Variants in MAP2K6 observed in about 807,000 individuals in gnomAD.
MAP2K6 encodes the protein mitogen-activated protein kinase kinase 6.
In MAP2K6, 16 loss-of-function variants were observed where a neutral mutation model predicts 53.7. The observed-to-expected ratio is 0.30, with a 90% CI of 0.20 to 0.45. The LOEUF (loss-of-function observed/expected upper bound fraction) is 0.45. Among genes scored for constraint, MAP2K6 ranks in the 20% least tolerant of loss-of-function variants. MAP2K6 has a pLI of 1.00. For synonymous variants in MAP2K6, 132 were observed against 143.1 expected, an observed-to-expected ratio of 0.92 and a Z score of 0.55; for missense variants, 204 against 411.9, an observed-to-expected ratio of 0.50 and a Z score of 4.37.
intron 1 of MAP2K6, among the ~76,000 whole-genome samples, chr17:69,464,428 C>T (rs1405211700): frequency 6.6e-6 from 1 of 152,134 alleles, no homozygotes; most frequent in Non-Finnish European, 1.5e-5. Flanking sequence ...CGAGTCCAGG[C>T]TGGAGTGCAG....
chr17:69,463,020 G>C (rs1296356322), intron 1 of MAP2K6, among the ~76,000 whole-genome samples: 3 of 146,028 alleles, frequency 2.1e-5, no homozygotes, highest in African/African-American at 5.1e-5. Flanking sequence ...AAATCCATAC[G>C]GTCAGGATTG....
chr17:69,526,499 A>G, intron 9 of MAP2K6, 71 bp from the exon 10 acceptor site: 1 of 1,544,404 alleles, frequency 6.5e-7, no homozygotes, highest in Non-Finnish European at 8.8e-7. Context: ...TCTATCCACA[A>G]ATGAAACGTG....
intron 11 of MAP2K6, among the ~76,000 whole-genome samples, chr17:69,538,089 C>G (rs1019911300): frequency 6.6e-6 from 1 of 151,970 alleles, no homozygotes; most frequent in Non-Finnish European, 1.5e-5. Context: ...AGGCTGGTCT[C>G]GAAGTCGTGG....
rs1448418705 is a variant in MAP2K6 at position 69,552,711 on chromosome 17, C to T, written c.*10958C>T. 6.6e-6 allele frequency: 1 copy of T among 152,168 alleles called. No individual in the cohort carries two copies. The highest frequency in any genetic ancestry group is 1.5e-5 in the Non-Finnish European group (1 of 68,028). The allele number at this position is 152,168 out of a possible 1,614,324, so 9.4% of individuals were successfully genotyped here. ...GAAATATATGAGCATCAAGTGATAA[C>T]TTCAATAAGGCCTCAGGATTGTATT... On this transcript the variant is annotated 3_prime_UTR_variant, in exon 12 of 12. Coordinates refer to ENST00000590474, the MANE Select transcript of MAP2K6 (RefSeq NM_002758.4).
intron 1 of MAP2K6, among the ~76,000 whole-genome samples, chr17:69,416,948 G>C (rs1164913425): frequency 6.6e-6 from 1 of 152,156 alleles, no homozygotes; most frequent in African/African-American, 2.4e-5. Context: ...TTTTTGAGTT[G>C]AGAAGCCAAA....
chr17:69,450,623 G>C (rs1907188192), intron 1 of MAP2K6, among the ~76,000 whole-genome samples: 1 of 152,082 alleles, frequency 6.6e-6, no homozygotes, highest in Non-Finnish European at 1.5e-5. Flanking sequence ...TTCACATTTG[G>C]GGCAACGGAA....
At position 69,502,066 on chromosome 17, in the gene MAP2K6, T is replaced by C. The variant is rs953720375; in HGVS notation, c.17-3714T>C. 8.3e-5 allele frequency: 53 copies of C among 640,462 alleles called. No homozygotes were observed. In the African/African-American group the frequency reaches 1.1e-3, roughly 13 times the overall value. 39.7% of individuals were successfully genotyped at this position (640,462 alleles called of 1,614,324 possible). ...TTTTAAGAAATCAAAGAGGCATTTATAGAAAAGCTGCAGAACATGGTACTG... is the reference window on the plus strand; with the variant it reads ...TTTTAAGAAATCAAAGAGGCATTTACAGAAAAGCTGCAGAACATGGTACTG... On this transcript the variant is annotated intron_variant, in intron 1 of 11. Transcript: ENST00000590474.
At chr17:69,432,703 G>C (rs911076733) in intron 1 of MAP2K6, among the ~76,000 whole-genome samples, 4 of 152,012 alleles carry the variant, frequency 2.6e-5, no homozygotes, top group African/African-American at 9.7e-5. Context: ...TGCATGTGGG[G>C]CTTAATACCT....
intron 1 of MAP2K6, among the ~76,000 whole-genome samples, chr17:69,480,300 C>T (rs191896445): frequency 5.7e-4 from 87 of 152,264 alleles, no homozygotes; most frequent in East Asian, 1.9e-4. Context: ...GCTACTTCTA[C>T]GTCCCTCCTT....
chr17:69,511,913 A>G (rs1248415392), intron 2 of MAP2K6, among the ~76,000 whole-genome samples: 3 of 152,204 alleles, frequency 2.0e-5, no homozygotes, highest in Non-Finnish European at 4.4e-5. Flanking sequence ...CAGGAGGGAG[A>G]GGTTGCAATG....
intron 2 of MAP2K6, among the ~76,000 whole-genome samples, chr17:69,507,948 C>T (rs1161014409): frequency 6.6e-6 from 1 of 150,996 alleles, no homozygotes. Flanking sequence ...GCAATAATGT[C>T]CGAATAATCT....
At chr17:69,533,137 C>T (rs895074716) in intron 10 of MAP2K6, among the ~76,000 whole-genome samples, 4 of 152,042 alleles carry the variant, frequency 2.6e-5, no homozygotes, top group African/African-American at 9.7e-5. Flanking sequence ...CCGTATTGGC[C>T]AGGCTGGTCT....
chr17:69,445,028 C>T (rs1013982267), intron 1 of MAP2K6, among the ~76,000 whole-genome samples: 1 of 152,206 alleles, frequency 6.6e-6, no homozygotes, highest in Non-Finnish European at 1.5e-5. Flanking sequence ...TCAAGAGATT[C>T]TCCTGCCTCA....
At position 69,449,905 on chromosome 17, in the gene MAP2K6, G is replaced by GC. The variant is rs1249376388; in HGVS notation, c.16+34908dup. Among the ~76,000 whole-genome samples, 6 of 145,994 alleles carry GC rather than the reference G, an allele frequency of 4.1e-5. No homozygotes were observed. In the East Asian group the frequency reaches 1.3e-3, roughly 31 times the overall value. On this transcript the variant is annotated intron_variant, in intron 1 of 11. Coordinates refer to ENST00000590474, the MANE Select transcript of MAP2K6 (RefSeq NM_002758.4). ...TGGGATTACAGGCGTGAGCCACCGC[G>GC]CCCGGCCTCTTTCTCTCTTTCTCTC...
chr17:69,420,469 G>A (rs1374859762), intron 1 of MAP2K6, among the ~76,000 whole-genome samples: 1 of 152,154 alleles, frequency 6.6e-6, no homozygotes, highest in Admixed American at 6.5e-5. Flanking sequence ...AGTCATATAA[G>A]TCAATCAGAT....
intron 1 of MAP2K6, among the ~76,000 whole-genome samples, chr17:69,450,894 CAA>C (rs1200729493): frequency 6.6e-6 from 1 of 151,978 alleles, no homozygotes; most frequent in East Asian, 1.9e-4. Context: ...TGCAGACACA[CAA>C]AAAGGAGGGT....
chr17:69,538,620 C>G (rs1168289507), intron 11 of MAP2K6, among the ~76,000 whole-genome samples: 1 of 152,126 alleles, frequency 6.6e-6, no homozygotes, highest in Non-Finnish European at 1.5e-5. Flanking sequence ...AAAAATAATC[C>G]TTTTTCCAGG....
At chr17:69,524,335 T>A (rs1281180831) in intron 8 of MAP2K6, among the ~76,000 whole-genome samples, 2 of 151,820 alleles carry the variant, frequency 1.3e-5, no homozygotes, top group East Asian at 3.8e-4. Flanking sequence ...GAGCTTAAAT[T>A]ACCCAAACAA....
Position 69,551,071 on chromosome 17 carries a change from A to G in MAP2K6, c.*9318A>G, listed in dbSNP as rs1295114321. On this transcript the variant is annotated 3_prime_UTR_variant, in exon 12 of 12. Transcript: ENST00000590474. ...AGATCCTTACATGCGACATTTTCCT[A>G]AAGTGGTTGAGAATGACCTGATCTT... is the stretch of plus-strand genomic sequence containing the variant. The G allele has an allele frequency of 1.3e-5, 2 of 152,202 alleles. No homozygotes were observed. The highest frequency in any genetic ancestry group is 2.9e-5 in the Non-Finnish European group (2 of 68,024). 9.4% of individuals were successfully genotyped at this position (152,202 alleles called of 1,614,324 possible).
Sources: gnomAD v4.1 joint callset for allele counts (sites outside exome capture counted in the v4.1 genomes callset) on GRCh38, gnomAD v4.1.1 for gene constraint, MANE v1.5 for transcripts, NCBI Gene and HGNC (gene_info 2026-07-23, HGNC 2026-07-21) for gene names.